Variants in ME3 observed in about 807,000 individuals in gnomAD.
ME3 encodes NADP-dependent malic enzyme, mitochondrial.
Under a neutral mutation model 68.9 loss-of-function variants are expected in ME3, and 48 were observed. The ratio of observed to expected loss-of-function variants is 0.70; its 90% CI spans 0.55 to 0.89. The LOEUF is 0.89. Among genes scored for constraint, ME3 ranks in the 40% least tolerant of loss-of-function variants. ME3 has a pLI of 0.00. For missense variants in ME3, 675 were observed against 797.4 expected (o/e 0.85, Z 1.85); for synonymous variants, 320 against 318.8 (o/e 1.00, Z -0.04).
intron 4 of ME3, among the ~76,000 whole-genome samples, chr11:86,539,290 A>T (rs1955886928): frequency 6.6e-6 from 1 of 152,098 alleles, no homozygotes; most frequent in Non-Finnish European, 1.5e-5. Context: ...CATCTTCCCA[A>T]TGTGAATCAA....
chr11:86,643,095 TC>T (rs1424162137), intron 2 of ME3, among the ~76,000 whole-genome samples: 2 of 152,186 alleles, frequency 1.3e-5, no homozygotes, highest in Non-Finnish European at 2.9e-5. Flanking sequence ...TCCTTAGGCC[TC>T]TCATGTCTGT....
At chr11:86,646,232 G>A (rs1594770653) in intron 2 of ME3, among the ~76,000 whole-genome samples, 1 of 152,170 alleles carries the variant, frequency 6.6e-6, no homozygotes, top group Admixed American at 6.5e-5. Flanking sequence ...GCTTCAGAAG[G>A]TGGGTAATAA....
intron 2 of ME3, among the ~76,000 whole-genome samples, chr11:86,593,541 A>AT (rs1472519485): frequency 6.8e-6 from 1 of 146,382 alleles, no homozygotes. Flanking sequence ...CCCGACCTCC[A>AT]TCTCCCTAAG....
At chr11:86,625,673 C>G (rs1487234845) in intron 2 of ME3, among the ~76,000 whole-genome samples, 1 of 152,218 alleles carries the variant, frequency 6.6e-6, no homozygotes, top group Non-Finnish European at 1.5e-5. Context: ...GAAACCCCGT[C>G]ACTGCTGTCA....
chr11:86,550,792 C>T (rs1428066404), intron 4 of ME3, among the ~76,000 whole-genome samples: 1 of 152,080 alleles, frequency 6.6e-6, no homozygotes, highest in African/African-American at 2.4e-5. Flanking sequence ...GCTCAAAAAC[C>T]ATGCCCTGGG....
intron 2 of ME3, among the ~76,000 whole-genome samples, chr11:86,571,948 T>C (rs1466152255): frequency 6.6e-6 from 1 of 152,208 alleles, no homozygotes; most frequent in Non-Finnish European, 1.5e-5. Flanking sequence ...AGTTTAACGA[T>C]GTGAGGCTAA....
intron 2 of ME3, among the ~76,000 whole-genome samples, chr11:86,606,989 T>C (rs559513041): frequency 6.6e-6 from 1 of 152,294 alleles, no homozygotes; most frequent in African/African-American, 2.4e-5. Context: ...CAGGAGGAGA[T>C]AGAGTTACAT....
intron 7 of ME3, among the ~76,000 whole-genome samples, chr11:86,474,425 A>C (rs1402854038): frequency 6.6e-6 from 1 of 152,116 alleles, no homozygotes; most frequent in African/African-American, 2.4e-5. Context: ...CAGAAATCTC[A>C]TTGCTGGGGA....
At chr11:86,663,526 G>T (rs1373115312) in intron 2 of ME3, among the ~76,000 whole-genome samples, 3 of 152,162 alleles carry the variant, frequency 2.0e-5, no homozygotes, top group African/African-American at 7.2e-5. Context: ...ACCCCCAAAG[G>T]ATTTCCCGAT....
intron 2 of ME3, among the ~76,000 whole-genome samples, chr11:86,569,189 C>T (rs7924919): frequency 0.032 from 4,932 of 152,288 alleles, 264 homozygotes; most frequent in African/African-American, 0.11. Flanking sequence ...CCTTGAAGGA[C>T]GGTCCAGAGC....
intron 2 of ME3, among the ~76,000 whole-genome samples, chr11:86,669,191 C>T (rs1256946957): frequency 6.6e-6 from 1 of 152,176 alleles, no homozygotes; most frequent in Non-Finnish European, 1.5e-5. Flanking sequence ...TCTGTTGCTC[C>T]CCTTCTGTCC....
chr11:86,591,717 G>A (rs1223029297), intron 2 of ME3, among the ~76,000 whole-genome samples: 3 of 152,142 alleles, frequency 2.0e-5, no homozygotes, highest in East Asian at 1.9e-4. Flanking sequence ...GGAGCAAGTC[G>A]CATTTTATGT....
intron 7 of ME3, among the ~76,000 whole-genome samples, chr11:86,473,372 G>A (rs1192627145): frequency 1.3e-5 from 2 of 152,186 alleles, no homozygotes; most frequent in Non-Finnish European, 2.9e-5. Flanking sequence ...TCTGGCATGG[G>A]GTTAAAGTGA....
chr11:86,614,057 C>A lies in ME3; in HGVS notation c.184-54234G>T, dbSNP rs113327364. Among the ~76,000 whole-genome samples the A allele has an allele frequency of 2.5e-3, 374 of 152,316 alleles. 2 individuals are homozygous for A. The highest frequency in any genetic ancestry group is 0.01 in the Middle Eastern group (3 of 294). On this transcript the variant is annotated intron_variant, in intron 2 of 14. Coordinates refer to ENST00000543262, the Ensembl canonical transcript of ME3. ...AACAAAGCTGGTGACATCACCCTAC[C>A]TGACTTTAAACTATACTACAAGGCT...
chr11:86,451,869 A>G lies in ME3; in HGVS notation c.920-1471T>C, dbSNP rs114285407. On this transcript the variant is annotated intron_variant, in intron 8 of 14. Coordinates refer to ENST00000543262, the Ensembl canonical transcript of ME3. ...GATGGGCAGCAATATGCTCATGCCTATGAAATTCACTGGTCTTAACATGTA... is the reference window on the plus strand; with the variant it reads ...GATGGGCAGCAATATGCTCATGCCTGTGAAATTCACTGGTCTTAACATGTA... Among the ~76,000 whole-genome samples the G allele has an allele frequency of 4.3e-3, 654 of 152,356 alleles. 6 individuals are homozygous for G. Among genetic ancestry groups the G allele is most frequent in the African/African-American group, 0.015 (635 of 41,578 alleles).
intron 4 of ME3, among the ~76,000 whole-genome samples, chr11:86,510,200 G>A (rs776895556): frequency 2.6e-5 from 4 of 152,030 alleles, no homozygotes; most frequent in South Asian, 2.1e-4. Context: ...TCTCAACATC[G>A]TCCTACCAAA....
At chr11:86,583,810 AT>A in intron 2 of ME3, among the ~76,000 whole-genome samples, 1 of 152,330 alleles carries the variant, frequency 6.6e-6, no homozygotes, top group South Asian at 2.1e-4. Flanking sequence ...CTTATCTTAT[AT>A]TGAAAAATGG....
intron 4 of ME3, among the ~76,000 whole-genome samples, chr11:86,550,751 G>A (rs955285657): frequency 1.3e-5 from 2 of 151,970 alleles, no homozygotes; most frequent in African/African-American, 2.4e-5. Flanking sequence ...CCCAACCAAC[G>A]GACACCTGGG....
intron 6 of ME3, among the ~76,000 whole-genome samples, chr11:86,491,465 G>C (rs1952007325): frequency 6.6e-6 from 1 of 152,190 alleles, no homozygotes; most frequent in South Asian, 2.1e-4. Context: ...GCTGGAATGA[G>C]TTCAGAGGAA....
Sources: gnomAD v4.1 joint callset for allele counts (sites outside exome capture counted in the v4.1 genomes callset) on GRCh38, gnomAD v4.1.1 for gene constraint, MANE v1.5 for transcripts, NCBI Gene and HGNC (gene_info 2026-07-23, HGNC 2026-07-21) for gene names.